TLL1: variants seen among roughly 807,000 people sequenced by gnomAD.
TLL1 encodes the protein tolloid like 1.
TLL1 carries 49 observed loss-of-function variants against 128.2 expected under a neutral mutation model. The observed-to-expected ratio is 0.38, with a 90% CI of 0.30 to 0.48. TLL1 has a LOEUF of 0.48. Ranked by LOEUF, TLL1 falls within the 20% of genes least tolerant of loss-of-function variation. TLL1 has a pLI of 0.96. For missense variants in TLL1, 1,123 were observed against 1,242.0 expected (o/e 0.90, Z 1.44); for synonymous variants, 454 against 418.8 (o/e 1.08, Z -1.03).
chr4:165,910,557 C>T (rs1240007465), intron 1 of TLL1, among the ~76,000 whole-genome samples: 1 of 152,088 alleles, frequency 6.6e-6, no homozygotes, highest in Non-Finnish European at 1.5e-5. Flanking sequence ...TCTTGTCATC[C>T]TATGTAGAGC....
At chr4:166,026,162 C>A (rs1229155323) in intron 9 of TLL1, among the ~76,000 whole-genome samples, 1 of 149,192 alleles carries the variant, frequency 6.7e-6, no homozygotes, top group Admixed American at 6.6e-5. Context: ...CCAAGGTGGG[C>A]GGATCACTCG....
chr4:166,063,675 G>C (rs1740440315), intron 15 of TLL1, among the ~76,000 whole-genome samples: 1 of 152,114 alleles, frequency 6.6e-6, no homozygotes. Flanking sequence ...AAAATGATGA[G>C]TTCATGTCCT....
At chr4:165,937,792 T>G (rs1187449440) in intron 1 of TLL1, among the ~76,000 whole-genome samples, 1 of 152,014 alleles carries the variant, frequency 6.6e-6, no homozygotes, top group East Asian at 1.9e-4. Context: ...ATAAAATCTT[T>G]GACTCACATT....
intron 9 of TLL1, among the ~76,000 whole-genome samples, chr4:166,038,387 C>T (rs1739094628): frequency 6.6e-6 from 1 of 151,832 alleles, no homozygotes; most frequent in Non-Finnish European, 1.5e-5. Context: ...TTGCTTTTGG[C>T]CAAAGTCCAT....
At chr4:166,031,644 A>C (rs191042464) in intron 9 of TLL1, among the ~76,000 whole-genome samples, 3 of 152,248 alleles carry the variant, frequency 2.0e-5, no homozygotes, top group African/African-American at 7.2e-5. Flanking sequence ...CTGGGCTTAC[A>C]GGCATGAGCC....
intron 1 of TLL1, among the ~76,000 whole-genome samples, chr4:165,947,771 C>A (rs997814537): frequency 1.3e-5 from 2 of 152,080 alleles, no homozygotes; most frequent in African/African-American, 2.4e-5. Context: ...AGAAGCCAAA[C>A]AAGATCATCT....
intron 1 of TLL1, among the ~76,000 whole-genome samples, chr4:165,933,769 A>G (rs986291118): frequency 6.6e-6 from 1 of 152,048 alleles, no homozygotes; most frequent in Admixed American, 6.5e-5. Flanking sequence ...CTTCCCTCCC[A>G]GATTTTCAAG....
chr4:166,072,988 T>A (rs781611209), intron 16 of TLL1, among the ~76,000 whole-genome samples: 1 of 152,148 alleles, frequency 6.6e-6, no homozygotes, highest in Non-Finnish European at 1.5e-5. Flanking sequence ...AGGGTACAAC[T>A]GAGCTTCACT....
intron 1 of TLL1, among the ~76,000 whole-genome samples, chr4:165,906,916 A>T (rs1265435166): frequency 6.6e-6 from 1 of 150,622 alleles, no homozygotes; most frequent in African/African-American, 2.4e-5. Flanking sequence ...TTAGTTTCAT[A>T]ACTCTGATTT....
Position 166,078,010 on chromosome 4 carries a change from C to G in TLL1, c.2422C>G (p.Pro808Ala). The G allele has an allele frequency of 6.2e-7, 1 of 1,613,636 alleles. No individual in the cohort carries two copies. The highest frequency in any genetic ancestry group is 8.5e-7 in the Non-Finnish European group (1 of 1,179,722). ...KECTWEISAT[P>A]GHRIKLAFSE... is the part of the protein sequence containing the mutation. ...ATGCACTTGGGAAATCAGCGCCACT[C>G]CTGGCCACCGAATCAAATTAGTAAG... The change falls in exon 18 of 21, where the codon CCT becomes GCT. Residue 808 changes from proline to alanine, a missense_variant. By Grantham distance (27) the Pro-to-Ala change is conservative. Around this residue, in one of 3 missense-constraint regions of TLL1, gnomAD observed 634 missense variants for 672.4 expected, o/e 0.94. Transcript: ENST00000061240.
At chr4:166,019,008 T>C (rs1204273593) in intron 8 of TLL1, among the ~76,000 whole-genome samples, 2 of 152,224 alleles carry the variant, frequency 1.3e-5, no homozygotes, top group African/African-American at 2.4e-5. Context: ...TGCATTCTCA[T>C]GTTCATCACT....
intron 1 of TLL1, among the ~76,000 whole-genome samples, chr4:165,958,555 G>A (rs1203379248): frequency 6.7e-6 from 1 of 150,036 alleles, no homozygotes; most frequent in Non-Finnish European, 1.5e-5. Flanking sequence ...TTTTGATGGG[G>A]TTGTTTGTTT....
chr4:165,989,371 C>G lies in TLL1; in HGVS notation c.170-10C>G. 1 of 1,591,028 alleles carries G rather than the reference C, an allele frequency of 6.3e-7. No individual in the cohort carries two copies. The highest frequency in any genetic ancestry group is 8.6e-7 in the Non-Finnish European group (1 of 1,160,698). On this transcript the variant is annotated splice_polypyrimidine_tract_variant and intron_variant, in intron 1 of 20. Coordinates refer to ENST00000061240, the MANE Select transcript of TLL1 (RefSeq NM_012464.5). ...TATTTTACATTTTAATTCAACTTTT[C>G]TTTTTTTAGCTGTATTTTGGGGCGA...
chr4:165,977,045 C>CTT (rs1735917062), intron 1 of TLL1, among the ~76,000 whole-genome samples: 1 of 152,084 alleles, frequency 6.6e-6, no homozygotes, highest in South Asian at 2.1e-4. Context: ...GATATTTAAT[C>CTT]TTTAACTATA....
intron 12 of TLL1, among the ~76,000 whole-genome samples, chr4:166,050,402 G>A (rs565967285): frequency 2.0e-5 from 3 of 152,112 alleles, no homozygotes; most frequent in Non-Finnish European, 2.9e-5. Flanking sequence ...TGCTATGAAC[G>A]TAAGTATGCA....
intron 12 of TLL1, among the ~76,000 whole-genome samples, chr4:166,048,261 C>T (rs1739552739): frequency 6.9e-6 from 1 of 145,080 alleles, no homozygotes; most frequent in Non-Finnish European, 1.5e-5. Context: ...AAAAAAAGGC[C>T]TAGGGAGCTT....
At chr4:165,994,240 GTTTTTC>G in intron 3 of TLL1, 135 bp from the exon 4 acceptor site, 1 of 897,512 alleles carries the variant, frequency 1.1e-6, no homozygotes, top group Non-Finnish European at 1.7e-6. Context: ...TATAACTGAA[GTTTTTC>G]TTTAATGCAT....
chr4:165,930,256 C>T (rs577299603), intron 1 of TLL1, among the ~76,000 whole-genome samples: 1 of 152,200 alleles, frequency 6.6e-6, no homozygotes, highest in East Asian at 1.9e-4. Flanking sequence ...ATAGCAGACA[C>T]CACTTTTTCC....
chr4:165,934,307 G>A (rs1353533784), intron 1 of TLL1, among the ~76,000 whole-genome samples: 1 of 151,592 alleles, frequency 6.6e-6, no homozygotes, highest in East Asian at 1.9e-4. Flanking sequence ...GAGCCACCAT[G>A]CTTGGCCTCA....
Sources: allele counts gnomAD v4.1 joint callset (sites outside exome capture counted in the v4.1 genomes callset), GRCh38; gene constraint gnomAD v4.1.1; regional missense constraint gnomAD v4.1.1; transcripts MANE v1.5; gene names NCBI Gene and HGNC (gene_info 2026-07-23, HGNC 2026-07-21).